The following EEFSEC variants were observed in gnomAD, a reference collection of about 807,000 sequenced individuals.
EEFSEC encodes selenocysteine-specific elongation factor.
EEFSEC carries 43 observed loss-of-function variants against 42.1 expected under a neutral mutation model. The observed-to-expected ratio is 1.02, with a 90% CI of 0.80 to 1.32. The LOEUF is 1.32. Ranked by LOEUF, EEFSEC falls within the 40% of genes most tolerant of loss-of-function variation. The pLI is 0.00. For missense variants in EEFSEC, 745 were observed against 803.6 expected (o/e 0.93, Z 0.88); for synonymous variants, 354 against 339.1 (o/e 1.04, Z -0.48).
chr3:128,392,693 C>T (rs1320658852), intron 6 of EEFSEC, among the ~76,000 whole-genome samples: 1 of 152,236 alleles, frequency 6.6e-6, no homozygotes, highest in African/African-American at 2.4e-5. Flanking sequence ...CAGCATGCTG[C>T]CCAGACCACT....
chr3:128,304,506 T>A (rs2066805366), intron 4 of EEFSEC, among the ~76,000 whole-genome samples: 1 of 152,168 alleles, frequency 6.6e-6, no homozygotes, highest in Non-Finnish European at 1.5e-5. Flanking sequence ...CAAAACAGAC[T>A]TCGGTATTGT....
At position 128,388,544 on chromosome 3, in the gene EEFSEC, C is replaced by G. The variant is rs140541049; in HGVS notation, c.1601-19525C>G. Among the ~76,000 whole-genome samples the G allele has an allele frequency of 3.2e-3, 489 of 152,370 alleles. 2 individuals are homozygous for G. The highest frequency in any genetic ancestry group is 0.011 in the African/African-American group (466 of 41,586). The stretch of plus-strand genomic sequence containing the variant: ...ACATGTCTGCCCAGGTGGGCTGTGT[C>G]TCCACTGCAGCACCCACTGCTCTCC... On this transcript the variant is annotated intron_variant, in intron 6 of 6. Transcript: ENST00000254730.
intron 1 of EEFSEC, among the ~76,000 whole-genome samples, chr3:128,184,590 A>G (rs142069441): frequency 6.6e-6 from 1 of 152,156 alleles, no homozygotes; most frequent in Admixed American, 6.5e-5. Flanking sequence ...ATCTATCAGT[A>G]TATTTATTTA....
intron 6 of EEFSEC, among the ~76,000 whole-genome samples, chr3:128,376,249 A>C (rs890538433): frequency 6.6e-6 from 1 of 152,214 alleles, no homozygotes; most frequent in Non-Finnish European, 1.5e-5. Flanking sequence ...GCAACCCTGC[A>C]TCCCCAAGGA....
Position 128,341,692 on chromosome 3 carries a change from T to A in EEFSEC, c.1246T>A (p.Phe416Ile). 1 of 1,613,756 alleles carries A rather than the reference T, an allele frequency of 6.2e-7. No individual in the cohort carries two copies. The highest frequency in any genetic ancestry group is 8.5e-7 in the Non-Finnish European group (1 of 1,179,956). ...TCGGCAGCAGTGGGCCCTGGTGGAGTTTGAGAAGCCCGTCACCTGCCCTCG... is the reference window on the plus strand; with the variant it reads ...TCGGCAGCAGTGGGCCCTGGTGGAGATTGAGAAGCCCGTCACCTGCCCTCG... ...CPRQQWALVEFEKPVTCPRLC... is the reference protein window; with the variant it reads ...CPRQQWALVEIEKPVTCPRLC... The change falls in exon 5 of 7, where the codon TTT (phenylalanine) becomes ATT (isoleucine). Residue 416 changes from phenylalanine (F) to isoleucine (I), a missense_variant. Phe to Ile is a conservative substitution (Grantham distance 21). Transcript: ENST00000254730.
intron 1 of EEFSEC, among the ~76,000 whole-genome samples, chr3:128,180,545 A>G (rs2065394902): frequency 6.6e-6 from 1 of 152,272 alleles, no homozygotes; most frequent in Admixed American, 6.5e-5. Flanking sequence ...GAAAGTAAGA[A>G]TGTAAGACCT....
At chr3:128,263,082 G>A (rs779103332) in intron 3 of EEFSEC, among the ~76,000 whole-genome samples, 10 of 152,202 alleles carry the variant, frequency 6.6e-5, no homozygotes, top group Non-Finnish European at 1.2e-4. Flanking sequence ...TGTGTATAAT[G>A]TGCTCGGTAC....
chr3:128,378,221 A>G (rs1465497227), intron 6 of EEFSEC, among the ~76,000 whole-genome samples: 1 of 152,164 alleles, frequency 6.6e-6, no homozygotes, highest in Admixed American at 6.5e-5. Flanking sequence ...CAGCACCTGC[A>G]TCTCTCATCC....
chr3:128,420,999 C>T, the EEFSEC span, among the ~76,000 whole-genome samples: 1 of 152,210 alleles, frequency 6.6e-6, no homozygotes, highest in African/African-American at 2.4e-5. Context: ...CTTGCCCAGC[C>T]TGGGAGCATC....
intron 4 of EEFSEC, among the ~76,000 whole-genome samples, chr3:128,288,101 A>G (rs933522880): frequency 1.6e-4 from 25 of 152,000 alleles, no homozygotes; most frequent in African/African-American, 5.8e-4. Context: ...AGTGACGAAC[A>G]CTTCTGCTGC....
chr3:128,302,128 T>C (rs2066775719), intron 4 of EEFSEC, among the ~76,000 whole-genome samples: 1 of 152,208 alleles, frequency 6.6e-6, no homozygotes, highest in Non-Finnish European at 1.5e-5. Context: ...ATGATAACTT[T>C]CTTGGCATGA....
At chr3:128,255,395 G>A (rs1052463231) in intron 2 of EEFSEC, among the ~76,000 whole-genome samples, 8 of 152,208 alleles carry the variant, frequency 5.3e-5, no homozygotes, top group African/African-American at 1.9e-4. Flanking sequence ...GAAGAGCACT[G>A]AGTTGACCAC....
At chr3:128,210,000 G>A (rs1445693872) in intron 1 of EEFSEC, among the ~76,000 whole-genome samples, 2 of 152,228 alleles carry the variant, frequency 1.3e-5, no homozygotes, top group African/African-American at 2.4e-5. Context: ...CTTGTAAACA[G>A]GAGCACCTTT....
In EEFSEC at chr3:128,408,163, C is replaced by T. The variant is rs779890125; in HGVS notation, c.1695C>T (p.Ser565=). The change falls in exon 7 of 7, where the codon AGC becomes AGT. Residue 565 remains serine, a synonymous_variant. Transcript: ENST00000254730. ...GGGAGGCCACCAGGCAGGAGGAGAG[C>T]GCCGAGCGGAGCGAGCCCTCACAGC... The part of the protein sequence containing the change: ...GRGEATRQEE[S]AERSEPSQHV... 10 of 1,612,648 alleles carry T rather than the reference C, an allele frequency of 6.2e-6. No individual in the cohort carries two copies. Among genetic ancestry groups the T allele is most frequent in the Middle Eastern group, 1.6e-4 (1 of 6,078 alleles).
At chr3:128,406,804 C>A (rs1405796807) in intron 6 of EEFSEC, among the ~76,000 whole-genome samples, 4 of 151,660 alleles carry the variant, frequency 2.6e-5, no homozygotes, top group Non-Finnish European at 4.4e-5. Context: ...CAGAGTGAGA[C>A]CCTGTCACAC....
In EEFSEC at chr3:128,341,784, C is replaced by T. The variant is rs1405074287; in HGVS notation, c.1338C>T (p.Phe446=). 8.7e-6 allele frequency: 14 copies of T among 1,614,146 alleles called. No homozygotes were observed. The highest frequency in any genetic ancestry group is 1.2e-5 in the Non-Finnish European group (14 of 1,180,054). ...ACACCAACACGTGCCGGCTAGCCTT[C>T]CATGGCATCCTGCTCCACGGGCTAG... ...DIHTNTCRLA[F]HGILLHGLED... The change falls in exon 5 of 7, where the codon TTC becomes TTT. Residue 446 remains phenylalanine (F), a synonymous_variant. Transcript: ENST00000254730.
In EEFSEC at chr3:128,408,164, G is replaced by A. The variant is rs768235736; in HGVS notation, c.1696G>A (p.Ala566Thr). ...GGAGGCCACCAGGCAGGAGGAGAGC[G>A]CCGAGCGGAGCGAGCCCTCACAGCA... The part of the protein sequence containing the change: ...RGEATRQEES[A>T]ERSEPSQHVV... Residue 566 changes from alanine to threonine, a missense_variant, in exon 7 of 7, where the codon GCC becomes ACC. Coordinates refer to ENST00000254730, the MANE Select transcript of EEFSEC (RefSeq NM_021937.5). 14 of 1,612,816 alleles carry A rather than the reference G, an allele frequency of 8.7e-6. No individual in the cohort carries two copies. Among genetic ancestry groups the A allele is most frequent in the Middle Eastern group, 1.7e-4 (1 of 6,056 alleles).
At chr3:128,250,640 A>C (rs1453882332) in intron 2 of EEFSEC, among the ~76,000 whole-genome samples, 1 of 152,054 alleles carries the variant, frequency 6.6e-6, no homozygotes. Flanking sequence ...TGATGTCTGT[A>C]GTTTTGTATT....
chr3:128,372,060 C>T (rs960378982), intron 6 of EEFSEC, among the ~76,000 whole-genome samples: 2 of 152,378 alleles, frequency 1.3e-5, no homozygotes, highest in Admixed American at 1.3e-4. Context: ...CTAAAACTTT[C>T]CAGATTTGCC....
Sources: gnomAD v4.1 joint callset for allele counts (sites outside exome capture counted in the v4.1 genomes callset) on GRCh38, gnomAD v4.1.1 for gene constraint, MANE v1.5 for transcripts, NCBI Gene and HGNC (gene_info 2026-07-23, HGNC 2026-07-21) for gene names.